Variants in EIF4G3 observed in about 807,000 individuals in gnomAD.
EIF4G3 encodes eIF-4-gamma 3.
In EIF4G3, 34 loss-of-function variants were observed where a neutral mutation model predicts 186.4. That is an observed-to-expected ratio of 0.18 (90% CI 0.14 to 0.24). The LOEUF (loss-of-function observed/expected upper bound fraction) is 0.24. Among genes scored for constraint, EIF4G3 ranks in the 10% least tolerant of loss-of-function variants. The pLI is 1.00. For synonymous variants in EIF4G3, 673 were observed against 679.5 expected (o/e 0.99, Z 0.15); for missense variants, 1,536 against 1,948.5 (o/e 0.79, Z 3.99).
chr1:20,980,588 T>C lies in EIF4G3; in HGVS notation c.379-140A>G, dbSNP rs1384626888. On this transcript the variant is annotated intron_variant, in intron 9 of 36. Transcript: ENST00000602326. ...AATCATTTAAATGAGGTAAAGCGAT[T>C]GGGTCAAACACATTAAAAATGCTTG... 3.0e-5 allele frequency: 18 copies of C among 595,404 alleles called. No individual in the cohort carries two copies. In the Admixed American group the frequency reaches 7.0e-4, roughly 23 times the overall value. 36.9% of individuals were successfully genotyped at this position (595,404 alleles called of 1,614,324 possible). A position where few individuals can be genotyped will look rare whatever the true frequency, so the allele number is the denominator to read the frequency against.
chr1:20,917,610 G>A (rs1051315608), intron 14 of EIF4G3, among the ~76,000 whole-genome samples: 14 of 152,182 alleles, frequency 9.2e-5, no homozygotes, highest in African/African-American at 3.4e-4. Context: ...CTTGCCTGGC[G>A]ATGAAGATGA....
At chr1:21,029,616 C>A (rs1425514039) in intron 4 of EIF4G3, among the ~76,000 whole-genome samples, 1 of 151,858 alleles carries the variant, frequency 6.6e-6, no homozygotes, top group African/African-American at 2.4e-5. Flanking sequence ...CAAAATAAAC[C>A]ATTAGTTTGA....
At position 20,840,808 on chromosome 1, in the gene EIF4G3, T is replaced by C. The variant is rs1478117615; in HGVS notation, c.4061+48A>G. On this transcript the variant is annotated intron_variant, in intron 30 of 36. Transcript: ENST00000602326. Reference sequence around the variant, plus strand: ...GGTAAGTACTTTGAAAATTAACTGGTACCCAAGAGCCTAGTAACTGAATAC... The same window carrying C: ...GGTAAGTACTTTGAAAATTAACTGGCACCCAAGAGCCTAGTAACTGAATAC... 2.6e-6 allele frequency: 4 copies of C among 1,560,876 alleles called. No individual in the cohort carries two copies. The African/African-American group carries it at 5.5e-5, about 21-fold the overall frequency.
At chr1:20,949,978 G>T in intron 13 of EIF4G3, 25 bp downstream of exon 13, 2 of 1,573,656 alleles carry the variant, frequency 1.3e-6, no homozygotes, top group Non-Finnish European at 8.7e-7. Flanking sequence ...AAAGATAAGA[G>T]GGAGGAAAAC....
At chr1:21,042,329 T>C (rs1039959603) in intron 4 of EIF4G3, among the ~76,000 whole-genome samples, 1 of 152,234 alleles carries the variant, frequency 6.6e-6, no homozygotes, top group African/African-American at 2.4e-5. Flanking sequence ...ATAATATTCA[T>C]TCTTTATACT....
At chr1:21,002,966 A>T in intron 4 of EIF4G3, among the ~76,000 whole-genome samples, 158 bp from the exon 5 acceptor site, 1 of 151,268 alleles carries the variant, frequency 6.6e-6, no homozygotes, top group Admixed American at 6.6e-5. Flanking sequence ...CAGTAACTCA[A>T]AATCAGTACA....
At chr1:21,138,360 G>A (rs1051241225) in intron 2 of EIF4G3, among the ~76,000 whole-genome samples, 3 of 152,116 alleles carry the variant, frequency 2.0e-5, no homozygotes, top group Admixed American at 1.3e-4. Flanking sequence ...AGTCCCTCAA[G>A]AGTGACCTGA....
intron 4 of EIF4G3, among the ~76,000 whole-genome samples, chr1:21,034,889 T>A (rs1448854814): frequency 1.3e-5 from 2 of 151,876 alleles, no homozygotes; most frequent in East Asian, 2.0e-4. Context: ...CAGAATCTGC[T>A]CCCAGAGGCG....
intron 33 of EIF4G3, among the ~76,000 whole-genome samples, 167 bp downstream of exon 33, chr1:20,824,933 C>T (rs1226147242): frequency 7.2e-5 from 11 of 152,036 alleles, no homozygotes; most frequent in Admixed American, 5.2e-4. Flanking sequence ...CATCTGATGA[C>T]CACACAGTTG....
At chr1:21,112,298 G>A (rs931874907) in intron 2 of EIF4G3, among the ~76,000 whole-genome samples, 3 of 152,076 alleles carry the variant, frequency 2.0e-5, no homozygotes, top group African/African-American at 7.2e-5. Flanking sequence ...ACCAGTAAGA[G>A]TTGAAAACCA....
intron 12 of EIF4G3, among the ~76,000 whole-genome samples, chr1:20,963,570 T>A (rs567861677): frequency 5.3e-5 from 8 of 152,268 alleles, no homozygotes; most frequent in Non-Finnish European, 1.2e-4. Context: ...TCCCATGTCA[T>A]AACTGTGTTT....
intron 2 of EIF4G3, among the ~76,000 whole-genome samples, chr1:21,117,815 C>T (rs1428664046): frequency 6.7e-6 from 1 of 149,538 alleles, no homozygotes; most frequent in African/African-American, 2.5e-5. Context: ...GATATCTCCT[C>T]AGCTGCCTGG....
At chr1:20,969,342 C>A in intron 12 of EIF4G3, 132 bp downstream of exon 12, 2 of 1,025,434 alleles carry the variant, frequency 2.0e-6, no homozygotes, top group South Asian at 1.9e-5. Flanking sequence ...TGTTTAAATA[C>A]CATTTAGATA....
intron 2 of EIF4G3, among the ~76,000 whole-genome samples, chr1:21,147,187 G>A (rs973500776): frequency 2.0e-5 from 3 of 150,026 alleles, no homozygotes; most frequent in Admixed American, 6.6e-5. Context: ...TCTTGAACCC[G>A]GGAGGCGGAG....
intron 2 of EIF4G3, among the ~76,000 whole-genome samples, chr1:21,101,536 C>G (rs930156625): frequency 1.7e-5 from 2 of 118,566 alleles, no homozygotes; most frequent in Non-Finnish European, 3.3e-5. Context: ...CACCACTACA[C>G]TCTAGCCTGG....
chr1:20,946,712 C>CT (rs1218020021), intron 13 of EIF4G3, among the ~76,000 whole-genome samples: 1 of 152,106 alleles, frequency 6.6e-6, no homozygotes, highest in African/African-American at 2.4e-5. Flanking sequence ...TATGAGGAAA[C>CT]TGAGGGTTTT....
intron 14 of EIF4G3, chr1:20,941,239 A>G (rs976907287): frequency 2.8e-5 from 43 of 1,537,882 alleles, no homozygotes; most frequent in Non-Finnish European, 3.0e-5. Context: ...ACAAAACCCA[A>G]CATGTTTCGT....
Position 20,929,214 on chromosome 1 carries a change from A to G in EIF4G3, c.1663+12277T>C, listed in dbSNP as rs572377108. On this transcript the variant is annotated intron_variant, in intron 14 of 36. Transcript: ENST00000602326. Reference sequence around the variant, plus strand: ...CTGAGCTTTCTTTGCCTTTCTTCCTAATTTTCCACTCCTGCCAAAGCAGGA... The same window carrying G: ...CTGAGCTTTCTTTGCCTTTCTTCCTGATTTTCCACTCCTGCCAAAGCAGGA... Among the ~76,000 whole-genome samples the G allele has an allele frequency of 5.9e-5, 9 of 152,128 alleles. No individual in the cohort carries two copies. The South Asian group carries it at 1.9e-3, about 32-fold the overall frequency.
chr1:20,924,566 T>G (rs2094729149), intron 14 of EIF4G3, among the ~76,000 whole-genome samples: 1 of 152,108 alleles, frequency 6.6e-6, no homozygotes. Flanking sequence ...TTGTTCTTTT[T>G]GTTTTGTTTT....
Sources: gnomAD v4.1 joint callset for allele counts (sites outside exome capture counted in the v4.1 genomes callset) on GRCh38, gnomAD v4.1.1 for gene constraint, MANE v1.5 for transcripts, NCBI Gene and HGNC (gene_info 2026-07-23, HGNC 2026-07-21) for gene names.